CAPZB: variants seen among roughly 807,000 people sequenced by gnomAD.
The protein encoded by CAPZB is capping actin protein of muscle Z-line subunit beta, also known as F-actin-capping protein subunit beta.
A neutral mutation model predicts 38.1 loss-of-function variants in CAPZB; 2 were observed. The observed-to-expected ratio is 0.05, with a 90% confidence interval of 0.02 to 0.17. The LOEUF (loss-of-function observed/expected upper bound fraction) is 0.17. CAPZB is among the 10% of genes least tolerant of loss of function. CAPZB has a pLI of 1.00. For synonymous variants in CAPZB, 107 were observed against 127.4 expected (o/e 0.84, Z 1.08); for missense variants, 161 against 334.2 (o/e 0.48, Z 4.04).
At chr1:19,416,775 T>A (rs1234724943) in intron 2 of CAPZB, among the ~76,000 whole-genome samples, 1 of 147,332 alleles carries the variant, frequency 6.8e-6, no homozygotes, top group Non-Finnish European at 1.5e-5. Flanking sequence ...CAGAAGATCA[T>A]TTGAGCCCAG....
At chr1:19,460,650 C>T (rs767841137) in intron 1 of CAPZB, among the ~76,000 whole-genome samples, 95 of 140,276 alleles carry the variant, frequency 6.8e-4, no homozygotes, top group Non-Finnish European at 1.2e-3. Flanking sequence ...TGAGCTCAAG[C>T]GATCCACCCA....
At chr1:19,482,002 AG>A (rs1475368197) in intron 1 of CAPZB, among the ~76,000 whole-genome samples, 2 of 152,250 alleles carry the variant, frequency 1.3e-5, no homozygotes, top group Non-Finnish European at 2.9e-5. Flanking sequence ...CTGTAGCTGC[AG>A]GTACCCCACA....
intron 2 of CAPZB, among the ~76,000 whole-genome samples, chr1:19,394,770 C>T (rs1445801978): frequency 6.6e-6 from 1 of 152,150 alleles, no homozygotes; most frequent in African/African-American, 2.4e-5. Context: ...AGCCACGCAA[C>T]ATAGATTTGA....
intron 1 of CAPZB, among the ~76,000 whole-genome samples, chr1:19,423,987 T>C (rs2094412077): frequency 6.6e-6 from 1 of 152,006 alleles, no homozygotes; most frequent in South Asian, 2.1e-4. Flanking sequence ...AATTTTTCTA[T>C]TTTTTGTAGA....
intron 2 of CAPZB, among the ~76,000 whole-genome samples, chr1:19,389,275 C>T (rs1445097423): frequency 1.3e-5 from 2 of 152,210 alleles, no homozygotes; most frequent in Non-Finnish European, 2.9e-5. Context: ...CCATTCACCA[C>T]TCCCTGAACA....
intron 2 of CAPZB, among the ~76,000 whole-genome samples, chr1:19,410,570 G>A (rs1400121180): frequency 2.0e-5 from 3 of 152,284 alleles, no homozygotes; most frequent in East Asian, 3.9e-4. Flanking sequence ...CAGCCCAGCC[G>A]GTTGAAGGGA....
intron 2 of CAPZB, among the ~76,000 whole-genome samples, chr1:19,387,002 G>A (rs1028016347): frequency 2.6e-5 from 4 of 152,262 alleles, no homozygotes; most frequent in African/African-American, 9.6e-5. Context: ...AAAAATGGGG[G>A]CTACTTTCAA....
intron 6 of CAPZB, among the ~76,000 whole-genome samples, chr1:19,353,630 T>C (rs530242429): frequency 3.3e-4 from 50 of 152,120 alleles, no homozygotes; most frequent in Non-Finnish European, 5.6e-4. Flanking sequence ...AGCTTCCCCC[T>C]GACCACCCAT....
chr1:19,344,009 G>A lies in CAPZB; in HGVS notation c.731+349C>T, dbSNP rs925415254. ...AGGCAGCCGGGCTGCCCGGAATGTG[G>A]TGTCATGGCTCCCCTAGGCCCAGGC... On this transcript the variant is annotated intron_variant, in intron 8 of 8. Transcript: ENST00000264202. Among the ~76,000 whole-genome samples, 6 of 152,220 alleles carry A rather than the reference G, an allele frequency of 3.9e-5. 1 individual carries two copies. Among genetic ancestry groups the A allele is most frequent in the Admixed American group, 3.9e-4 (6 of 15,288 alleles).
rs554224979 is a variant in CAPZB, at chr1:19,404,594, T to C, written c.93+15067A>G. Among the ~76,000 whole-genome samples the C allele has an allele frequency of 4.6e-5, 7 of 150,918 alleles. No homozygotes were observed. The South Asian group carries it at 1.3e-3, about 27-fold the overall frequency. ...TAATGGGAAAAATGCTCGCTTGTCA[T>C]TGCAAGATCTGAGCTCACCTCACAG... On this transcript the variant is annotated intron_variant, in intron 2 of 8. Coordinates refer to ENST00000264202, the MANE Select transcript of CAPZB (RefSeq NM_004930.5).
chr1:19,354,613 C>T (rs2094010145), intron 6 of CAPZB, among the ~76,000 whole-genome samples: 1 of 152,216 alleles, frequency 6.6e-6, no homozygotes, highest in Non-Finnish European at 1.5e-5. Flanking sequence ...AGGACAGGCA[C>T]TCATCAGGCC....
At chr1:19,399,143 C>T (rs1409762201) in intron 2 of CAPZB, among the ~76,000 whole-genome samples, 1 of 152,102 alleles carries the variant, frequency 6.6e-6, no homozygotes, top group Admixed American at 6.5e-5. Context: ...CAGGCATGAG[C>T]CACCATGCCC....
chr1:19,360,732 A>C (rs1211608875), intron 4 of CAPZB, among the ~76,000 whole-genome samples: 1 of 152,206 alleles, frequency 6.6e-6, no homozygotes, highest in Admixed American at 6.5e-5. Flanking sequence ...TTTCCACTCC[A>C]ATGTCCCACC....
intron 2 of CAPZB, among the ~76,000 whole-genome samples, chr1:19,414,671 CT>C (rs1193494896): frequency 6.6e-6 from 1 of 152,230 alleles, no homozygotes; most frequent in Non-Finnish European, 1.5e-5. Context: ...CAGAAACAAA[CT>C]CCTTCCTCAG....
chr1:19,450,535 A>G (rs1397039879), intron 1 of CAPZB, among the ~76,000 whole-genome samples: 1 of 152,204 alleles, frequency 6.6e-6, no homozygotes, highest in African/African-American at 2.4e-5. Context: ...GCATGCCTGT[A>G]AGACAGCTTA....
intron 2 of CAPZB, among the ~76,000 whole-genome samples, chr1:19,403,942 C>T (rs1325783836): frequency 1.3e-5 from 2 of 152,286 alleles, no homozygotes; most frequent in South Asian, 2.1e-4. Flanking sequence ...CCCTACTTAA[C>T]GCCTGCAGCA....
At chr1:19,484,083 G>A in intron 1 of CAPZB, 2 of 1,158,250 alleles carry the variant, frequency 1.7e-6, no homozygotes, top group South Asian at 2.9e-5. Flanking sequence ...ATCTGTGGGG[G>A]CCTATGTGAA....
At chr1:19,440,348 C>T (rs1211613093) in intron 1 of CAPZB, among the ~76,000 whole-genome samples, 1 of 152,030 alleles carries the variant, frequency 6.6e-6, no homozygotes, top group African/African-American at 2.4e-5. Context: ...ATAAAATACA[C>T]CTTTGTAATG....
At chr1:19,414,637 G>C (rs1477167159) in intron 2 of CAPZB, among the ~76,000 whole-genome samples, 5 of 152,188 alleles carry the variant, frequency 3.3e-5, no homozygotes, top group African/African-American at 1.2e-4. Context: ...GCAAAGGATG[G>C]AAGGCCTGCT....
Sources: allele counts gnomAD v4.1 joint callset (sites outside exome capture counted in the v4.1 genomes callset), GRCh38; gene constraint gnomAD v4.1.1; transcripts MANE v1.5; gene names NCBI Gene and HGNC (gene_info 2026-07-23, HGNC 2026-07-21).